SELENON: variants seen among roughly 807,000 people sequenced by gnomAD.
SELENON encodes the protein selenoprotein N, also known as selenoprotein N, 1.
SELENON carries 44 observed loss-of-function variants against 59.5 expected under a neutral mutation model. That is an observed-to-expected ratio of 0.74 (90% CI 0.58 to 0.95). The LOEUF is 0.95. Among genes scored for constraint, SELENON ranks in the 40% least tolerant of loss-of-function variants. SELENON has a pLI of 0.00. For synonymous variants in SELENON, 320 were observed against 305.6 expected (o/e 1.05, Z -0.49); for missense variants, 674 against 721.4 (o/e 0.93, Z 0.75).
chr1:25,815,830 T>G lies in SELENON; in HGVS notation c.*112T>G. On this transcript the variant is annotated 3_prime_UTR_variant, in exon 13 of 13. Coordinates refer to ENST00000361547, the MANE Select transcript of SELENON (RefSeq NM_020451.3). ...ACTCCCACCCCACTCCTAGGCTGCC[T>G]TGGAGGGTACAAGATCCACTGAGGG... 1 of 1,185,368 alleles carries G rather than the reference T, an allele frequency of 8.4e-7. No homozygotes were observed. Among genetic ancestry groups the G allele is most frequent in the Non-Finnish European group, 1.2e-6 (1 of 824,882 alleles). 73.4% of individuals were successfully genotyped at this position (1,185,368 alleles called of 1,614,324 possible).
chr1:25,811,394 T>C, intron 7 of SELENON, 60 bp from the exon 7 acceptor site: 1 of 1,416,716 alleles, frequency 7.1e-7, no homozygotes, highest in Non-Finnish European at 1.0e-6. Context: ...TTATGTGAGA[T>C]AAAGTGTGAC....
At position 25,808,490 on chromosome 1, in the gene SELENON, G is replaced by A. The variant is rs566715766; in HGVS notation, c.538-90G>A. The A allele has an allele frequency of 6.6e-5, 99 of 1,491,226 alleles. 1 individual carries two copies. In the African/African-American group the frequency reaches 1.1e-3, roughly 17 times the overall value. 92.4% of individuals were successfully genotyped at this position (1,491,226 alleles called of 1,614,324 possible). A position where few individuals can be genotyped will look rare whatever the true frequency, so the allele number is the denominator to read the frequency against. ...CTGCTCCCTTGGTGTGGGCTGGCTC[G>A]GGGCTTGAGGGAGACCTCCACCCAC... is the stretch of plus-strand genomic sequence containing the variant. On this transcript the variant is annotated intron_variant, in intron 4 of 12. Transcript: ENST00000361547.
chr1:25,804,987 A>G (rs1440474830), intron 3 of SELENON, among the ~76,000 whole-genome samples, 155 bp from the exon 3 acceptor site: 1 of 152,104 alleles, frequency 6.6e-6, no homozygotes, highest in Non-Finnish European at 1.5e-5. Flanking sequence ...TGAAACTAAA[A>G]TGCGATACAC....
intron 10 of SELENON, chr1:25,813,620 T>C (rs1018743108): frequency 1.8e-6 from 1 of 566,166 alleles, no homozygotes; most frequent in Non-Finnish European, 3.4e-6. Context: ...AGAGCGTTCA[T>C]TGGATTTAAG....
intron 4 of SELENON, among the ~76,000 whole-genome samples, chr1:25,805,855 C>T (rs2047901983): frequency 6.6e-6 from 1 of 152,140 alleles, no homozygotes; most frequent in Non-Finnish European, 1.5e-5. Context: ...CCTCCCCAAC[C>T]CAAGGCCCTT....
chr1:25,801,049 G>A lies in SELENON; in HGVS notation c.190G>A (p.Ala64Thr), dbSNP rs1241307751. 1 of 1,613,950 alleles carries A rather than the reference G, an allele frequency of 6.2e-7. No individual in the cohort carries two copies. Among genetic ancestry groups the A allele is most frequent in the Non-Finnish European group, 8.5e-7 (1 of 1,179,918 alleles). The change falls in exon 2 of 13, where the codon GCG becomes ACG. Residue 64 changes from alanine to threonine, a missense_variant. Transcript: ENST00000361547. ...AGTCTCTCCTCCCAAGCAGGAACTG[G>A]CGCTGAAGACCCTGGGGACAGATGG...
rs1572231666 is a variant in SELENON at position 25,807,444 on chromosome 1, G to A, written c.538-1136G>A. Among the ~76,000 whole-genome samples, 2 of 152,230 alleles carry A rather than the reference G, an allele frequency of 1.3e-5. No homozygotes were observed. The highest frequency in any genetic ancestry group is 4.8e-5 in the African/African-American group (2 of 41,464). ...GGTCTGACCTTCCACAAAAGGAGAT[G>A]GGGAACCCATCTCCATGGATTTGGC... is the stretch of plus-strand genomic sequence containing the variant. On this transcript the variant is annotated intron_variant, in intron 4 of 12. Transcript: ENST00000361547. The surrounding 1 kb of genome is among the most constrained non-coding windows in gnomAD (Gnocchi z 4.5).
At chr1:25,805,987 C>A (rs973724865) in intron 4 of SELENON, among the ~76,000 whole-genome samples, 1 of 152,254 alleles carries the variant, frequency 6.6e-6, no homozygotes, top group Non-Finnish European at 1.5e-5. Flanking sequence ...CACCAGACTT[C>A]CTTCCTTCCA....
At chr1:25,810,149 C>T (rs999923535) in intron 7 of SELENON, among the ~76,000 whole-genome samples, 8 of 152,190 alleles carry the variant, frequency 5.3e-5, no homozygotes, top group African/African-American at 9.7e-5. Flanking sequence ...AGCCTGTGCA[C>T]GCCACCAAGA....
chr1:25,812,099 T>C (rs2047966487), intron 9 of SELENON, among the ~76,000 whole-genome samples: 1 of 152,158 alleles, frequency 6.6e-6, no homozygotes, highest in Non-Finnish European at 1.5e-5. Flanking sequence ...TCCAAAACTT[T>C]GGGAGGCTGA....
intron 3 of SELENON, among the ~76,000 whole-genome samples, chr1:25,804,018 A>G (rs2047881537): frequency 1.3e-5 from 2 of 152,176 alleles, no homozygotes; most frequent in South Asian, 4.1e-4. Flanking sequence ...ATTAATATTT[A>G]TCTGTGATAT....
Position 25,800,257 on chromosome 1 carries a change from C to T in SELENON, c.27C>T (p.Arg9=). The T allele has an allele frequency of 2.2e-6, 2 of 927,100 alleles. No individual in the cohort carries two copies. Among genetic ancestry groups the T allele is most frequent in the South Asian group, 9.6e-5 (2 of 20,922 alleles). 57.4% of individuals were successfully genotyped at this position (927,100 alleles called of 1,614,324 possible). A position where few individuals can be genotyped will look rare whatever the true frequency, so the allele number is the denominator to read the frequency against. Reference sequence around the variant, plus strand: ...TGGGCCGGGCCCGGCCGGGCCAACGCGGGCCGCCCAGCCCCGGCCCCGCCG... The same window carrying T: ...TGGGCCGGGCCCGGCCGGGCCAACGTGGGCCGCCCAGCCCCGGCCCCGCCG... Residue 9 remains arginine, a synonymous_variant, in exon 1 of 13, where the codon CGC becomes CGT. Transcript: ENST00000361547.
rs10902685 is a variant in SELENON at position 25,812,646 on chromosome 1, C to T, written c.1282-41C>T. 1,179,799 of 1,525,118 alleles carry T rather than the reference C, an allele frequency of 0.77. 467,457 individuals carry two copies. Among genetic ancestry groups the T allele is most frequent in the East Asian group, 0.96 (41,503 of 43,166 alleles). 94.5% of individuals were successfully genotyped at this position (1,525,118 alleles called of 1,614,324 possible). A position where few individuals can be genotyped will look rare whatever the true frequency, so the allele number is the denominator to read the frequency against. The stretch of plus-strand genomic sequence containing the variant: ...GACTCAGCCCGAGTGGGACCCTGGC[C>T]GCTTTGATGATGGCTTCGCTCTGTC... On this transcript the variant is annotated intron_variant, in intron 9 of 12. Transcript: ENST00000361547.
At chr1:25,801,244 A>G in intron 2 of SELENON, 84 bp downstream of exon 2, 1 of 1,078,988 alleles carries the variant, frequency 9.3e-7, no homozygotes, top group East Asian at 2.4e-5. Context: ...TCTGGAGTGG[A>G]GGGAAGCTCG....
Position 25,809,028 on chromosome 1 carries a change from C to CAT in SELENON, c.751_752dup (p.Ile252SerfsTer?). 1 of 1,613,696 alleles carries CAT rather than the reference C, an allele frequency of 6.2e-7. No individual in the cohort carries two copies. Among genetic ancestry groups the CAT allele is most frequent in the Non-Finnish European group, 8.5e-7 (1 of 1,180,018 alleles). ...TACGTGCCTCCCGCCGCCCCCAGGT[C>CAT]ATCATCCACCGGCTCCTGAGCATGT... is the stretch of plus-strand genomic sequence containing the variant. On this transcript the variant is annotated frameshift_variant, in exon 6 of 13. Coordinates refer to ENST00000361547, the MANE Select transcript of SELENON (RefSeq NM_020451.3). LOFTEE classifies it high-confidence loss of function.
At position 25,812,686 on chromosome 1, in the gene SELENON, G is replaced by C. The variant is rs1289523206; in HGVS notation, c.1282-1G>C. The stretch of plus-strand genomic sequence containing the variant: ...TTCGCTCTGTCTCGGTGTGGCCCCA[G>C]GTCTCCTACTTGCCGTTCACTGAGG... On this transcript the variant is annotated splice_acceptor_variant, in intron 9 of 12. Coordinates refer to ENST00000361547, the MANE Select transcript of SELENON (RefSeq NM_020451.3). LOFTEE classifies it high-confidence loss of function. The C allele has an allele frequency of 6.2e-7, 1 of 1,608,800 alleles. No individual in the cohort carries two copies. The highest frequency in any genetic ancestry group is 8.5e-7 in the Non-Finnish European group (1 of 1,178,728).
rs752707301 is a variant in SELENON, at chr1:25,805,239, G to A, written c.501G>A (p.Pro167=). The A allele has an allele frequency of 3.1e-5, 50 of 1,614,048 alleles. No individual in the cohort carries two copies. The highest frequency in any genetic ancestry group is 5.0e-5 in the Admixed American group (3 of 60,008). ...AAGCCCGATTCCAGCCTCTGCTCCCGGAGACCATGACCAAGAGCAAAGATG... is the reference window on the plus strand; with the variant it reads ...AAGCCCGATTCCAGCCTCTGCTCCCAGAGACCATGACCAAGAGCAAAGATG... Residue 167 remains proline, a synonymous_variant, in exon 4 of 13, where the codon CCG becomes CCA. Coordinates refer to ENST00000361547, the MANE Select transcript of SELENON (RefSeq NM_020451.3).
intron 2 of SELENON, 118 bp downstream of exon 2, chr1:25,801,278 C>T: frequency 3.7e-6 from 3 of 800,726 alleles, no homozygotes; most frequent in South Asian, 2.8e-5. Flanking sequence ...GCCCTGGACT[C>T]CTCCCAGCTC....
Position 25,805,229 on chromosome 1 carries a change from C to T in SELENON, c.491C>T (p.Pro164Leu), listed in dbSNP as rs1279366251. The T allele has an allele frequency of 6.2e-7, 1 of 1,614,100 alleles. No homozygotes were observed. Among genetic ancestry groups the T allele is most frequent in the African/African-American group, 1.3e-5 (1 of 74,944 alleles). Reference sequence around the variant, plus strand: ...CTCACCATAGAAGCCCGATTCCAGCCTCTGCTCCCGGAGACCATGACCAAG... The same window carrying T: ...CTCACCATAGAAGCCCGATTCCAGCTTCTGCTCCCGGAGACCATGACCAAG... Residue 164 changes from proline (P) to leucine (L), a missense_variant, in exon 4 of 13, where the codon CCT becomes CTT. Pro to Leu is a moderately conservative substitution (Grantham distance 98). Transcript: ENST00000361547.
Sources: gnomAD v4.1 joint callset for allele counts (sites outside exome capture counted in the v4.1 genomes callset) on GRCh38, gnomAD v4.1.1 for gene constraint, Gnocchi (gnomAD v3.1) non-coding constraint, MANE v1.5 for transcripts, NCBI Gene and HGNC (gene_info 2026-07-23, HGNC 2026-07-21) for gene names.